The following IFT80 variants were observed in gnomAD, a reference collection of about 807,000 sequenced individuals.
The protein encoded by IFT80 is intraflagellar transport 80.
A neutral mutation model predicts 107.9 loss-of-function variants in IFT80; 79 were observed. The observed-to-expected ratio is 0.73, with a 90% CI of 0.61 to 0.88. The LOEUF (loss-of-function observed/expected upper bound fraction) is 0.88. Ranked by LOEUF, IFT80 falls within the 40% of genes least tolerant of loss-of-function variation. IFT80 has a pLI of 0.00. For synonymous variants in IFT80, 299 were observed against 300.9 expected, an observed-to-expected ratio of 0.99 and a Z score of 0.07; for missense variants, 797 against 914.2, an observed-to-expected ratio of 0.87 and a Z score of 1.65.
At chr3:160,286,190 A>AT (rs1191003955) in intron 12 of IFT80, among the ~76,000 whole-genome samples, 1 of 152,224 alleles carries the variant, frequency 6.6e-6, no homozygotes, top group African/African-American at 2.4e-5. Context: ...ATATAACACC[A>AT]TAGTGTAGAG....
At chr3:160,315,390 G>C (rs528276031) in intron 9 of IFT80, among the ~76,000 whole-genome samples, 1 of 152,164 alleles carries the variant, frequency 6.6e-6, no homozygotes, top group Non-Finnish European at 1.5e-5. Flanking sequence ...ACAGAACTCT[G>C]TTTTAGGGTA....
intron 8 of IFT80, among the ~76,000 whole-genome samples, chr3:160,348,326 A>G (rs1720443650): frequency 6.6e-6 from 1 of 152,220 alleles, no homozygotes; most frequent in Non-Finnish European, 1.5e-5. Flanking sequence ...TGAAATGTGC[A>G]AAGCTGATTT....
At chr3:160,312,351 A>G (rs2108284531) in intron 9 of IFT80, among the ~76,000 whole-genome samples, 1 of 151,442 alleles carries the variant, frequency 6.6e-6, no homozygotes. Context: ...GCTACCTCAT[A>G]GACCCCCAGG....
rs1712120966 is a variant in IFT80 at position 160,377,555 on chromosome 3, A to G, written c.260-15T>C. On this transcript the variant is annotated splice_polypyrimidine_tract_variant and intron_variant, in intron 3 of 19. Transcript: ENST00000326448. ...ATGAAATTTACCTGAAAGAAATTAC[A>G]TTTGAAAAATCTATTTTATTTATTC... 1 of 1,438,710 alleles carries G rather than the reference A, an allele frequency of 7.0e-7. No homozygotes were observed. Among genetic ancestry groups the G allele is most frequent in the Non-Finnish European group, 9.8e-7 (1 of 1,021,344 alleles). 89.1% of individuals were successfully genotyped at this position (1,438,710 alleles called of 1,614,324 possible). A position where few individuals can be genotyped will look rare whatever the true frequency, so the allele number is the denominator to read the frequency against.
At chr3:160,313,058 A>AAT (rs1361539608) in intron 9 of IFT80, among the ~76,000 whole-genome samples, 1 of 101,756 alleles carries the variant, frequency 9.8e-6, no homozygotes, top group Non-Finnish European at 1.9e-5. Context: ...TAATAAATAT[A>AAT]ATATATATTA....
At chr3:160,365,851 G>A (rs1326118292) in intron 6 of IFT80, among the ~76,000 whole-genome samples, 192 bp downstream of exon 6, 1 of 151,982 alleles carries the variant, frequency 6.6e-6, no homozygotes, top group African/African-American at 2.4e-5. Flanking sequence ...AAATGAGTTG[G>A]AATAAGGGGA....
At chr3:160,393,890 G>A (rs900006603) in intron 1 of IFT80, among the ~76,000 whole-genome samples, 1 of 152,082 alleles carries the variant, frequency 6.6e-6, no homozygotes. Context: ...TATTTATACC[G>A]AGTTTTCTTT....
intron 5 of IFT80, among the ~76,000 whole-genome samples, chr3:160,373,121 TG>T: frequency 6.6e-6 from 1 of 152,302 alleles, no homozygotes; most frequent in East Asian, 1.9e-4. Context: ...TTGCCCAGGC[TG>T]GTCTCAAATT....
intron 13 of IFT80, among the ~76,000 whole-genome samples, chr3:160,284,090 T>A (rs1365336525): frequency 6.6e-6 from 1 of 152,184 alleles, no homozygotes; most frequent in South Asian, 2.1e-4. Context: ...TTATAGAATG[T>A]AAAATTTAAA....
chr3:160,331,034 T>C (rs1343055295), intron 8 of IFT80, among the ~76,000 whole-genome samples: 7 of 152,226 alleles, frequency 4.6e-5, no homozygotes, highest in South Asian at 2.1e-4. Context: ...ATTTTTACCA[T>C]AGATGTTAGC....
At chr3:160,375,610 T>G (rs1485313156) in intron 5 of IFT80, among the ~76,000 whole-genome samples, 2 of 152,126 alleles carry the variant, frequency 1.3e-5, no homozygotes, top group Admixed American at 1.3e-4. Context: ...CTATATTTCT[T>G]GGCTTGAAAT....
chr3:160,394,980 G>T (rs1016072523), intron 1 of IFT80, among the ~76,000 whole-genome samples: 22 of 152,126 alleles, frequency 1.4e-4, no homozygotes, highest in African/African-American at 5.1e-4. Context: ...TGGGGGCACT[G>T]GGATGAGAAG....
At chr3:160,394,134 G>A (rs1356324065) in intron 1 of IFT80, 2 of 152,284 alleles carry the variant, frequency 1.3e-5, no homozygotes, top group Non-Finnish European at 2.9e-5. Flanking sequence ...CAGTAGAAAA[G>A]AGAGAGAAGC....
At chr3:160,319,243 G>T (rs1332096769) in intron 9 of IFT80, among the ~76,000 whole-genome samples, 1 of 151,778 alleles carries the variant, frequency 6.6e-6, no homozygotes. Flanking sequence ...GATGGGTAGA[G>T]ATATTTTTCT....
chr3:160,347,344 G>GA (rs1553762226), intron 8 of IFT80, among the ~76,000 whole-genome samples: 3 of 151,986 alleles, frequency 2.0e-5, no homozygotes, highest in Non-Finnish European at 4.4e-5. Context: ...TCAAAGCTCA[G>GA]AAAAAATTGA....
At chr3:160,337,668 G>A (rs1458889989) in intron 8 of IFT80, among the ~76,000 whole-genome samples, 1 of 151,796 alleles carries the variant, frequency 6.6e-6, no homozygotes, top group East Asian at 1.9e-4. Flanking sequence ...TCTTCGGCTT[G>A]CCTATTTTTT....
intron 12 of IFT80, among the ~76,000 whole-genome samples, chr3:160,295,771 A>G (rs1715926995): frequency 6.6e-6 from 1 of 152,234 alleles, no homozygotes. Flanking sequence ...AGATGAACAG[A>G]TAAAGAAAAT....
At chr3:160,384,997 A>G (rs1712814101) in intron 1 of IFT80, among the ~76,000 whole-genome samples, 3 of 152,354 alleles carry the variant, frequency 2.0e-5, no homozygotes, top group Non-Finnish European at 4.4e-5. Flanking sequence ...GGTCCTGTCT[A>G]TTGGATACAA....
At chr3:160,375,133 C>A (rs768048353) in intron 5 of IFT80, among the ~76,000 whole-genome samples, 1 of 152,060 alleles carries the variant, frequency 6.6e-6, no homozygotes, top group Non-Finnish European at 1.5e-5. Flanking sequence ...TTTTGGCAAC[C>A]TAAAGATCAG....
Sources: gnomAD v4.1 joint callset for allele counts (sites outside exome capture counted in the v4.1 genomes callset) on GRCh38, gnomAD v4.1.1 for gene constraint, MANE v1.5 for transcripts, NCBI Gene and HGNC (gene_info 2026-07-23, HGNC 2026-07-21) for gene names.